Variants in FAT1 observed in about 807,000 individuals in gnomAD.
The protein encoded by FAT1 is FAT atypical cadherin 1.
A neutral mutation model predicts 329.8 loss-of-function variants in FAT1; 171 were observed. The observed-to-expected ratio is 0.52, with a 90% CI of 0.46 to 0.59. FAT1 has a LOEUF of 0.59. FAT1 is among the 20% of genes least tolerant of loss of function. FAT1 has a pLI of 0.00. For synonymous variants in FAT1, 2,233 were observed against 2,228.6 expected (o/e 1.00, Z -0.06); for missense variants, 5,672 against 5,774.4 (o/e 0.98, Z 0.57).
intron 3 of FAT1, among the ~76,000 whole-genome samples, chr4:186,650,527 G>A (rs975719943): frequency 1.2e-4 from 18 of 152,008 alleles, no homozygotes; most frequent in Non-Finnish European, 2.5e-4. Context: ...CAGCAACATG[G>A]GCCTCAGGGT....
chr4:186,714,628 G>A (rs1745122431), intron 1 of FAT1, among the ~76,000 whole-genome samples: 1 of 152,164 alleles, frequency 6.6e-6, no homozygotes, highest in African/African-American at 2.4e-5. Flanking sequence ...CCCAAGATTT[G>A]AAGGGTCCAA....
At chr4:186,675,506 T>C (rs28532777) in intron 2 of FAT1, among the ~76,000 whole-genome samples, 1 of 152,038 alleles carries the variant, frequency 6.6e-6, no homozygotes, top group East Asian at 1.9e-4. Context: ...ATGCCTGTAA[T>C]TTCTCCACTT....
rs371538987 is a variant in FAT1 at position 186,620,476 on chromosome 4, G to A, written c.6110C>T (p.Thr2037Met). The A allele has an allele frequency of 5.3e-5, 85 of 1,614,002 alleles. No homozygotes were observed. Among genetic ancestry groups the A allele is most frequent in the South Asian group, 8.8e-5 (8 of 91,076 alleles). The change falls in exon 10 of 27, where the codon ACG becomes ATG. Residue 2037 changes from threonine to methionine, a missense_variant. Physicochemically the swap from Thr to Met is moderately conservative, Grantham distance 81. Transcript: ENST00000441802. Reference sequence around the variant, plus strand: ...CTCCTGCTGCTCACGATCGAAGGGCGTGCCAGTGGTTGACAGAACTCCTGA... The same window carrying A: ...CTCCTGCTGCTCACGATCGAAGGGCATGCCAGTGGTTGACAGAACTCCTGA... ...RTSGVLSTTG[T>M]PFDREQQEAF...
intron 3 of FAT1, among the ~76,000 whole-genome samples, chr4:186,657,896 G>T (rs892899162): frequency 2.6e-5 from 4 of 152,204 alleles, no homozygotes; most frequent in African/African-American, 9.6e-5. Flanking sequence ...TCCCGAGGTT[G>T]TTCGTGAATA....
chr4:186,669,951 G>GA (rs151088401), intron 2 of FAT1, among the ~76,000 whole-genome samples: 3,116 of 152,272 alleles, frequency 0.02, 107 homozygotes, highest in African/African-American at 0.072. Flanking sequence ...CCTTGATCAG[G>GA]AAAGGCCAGC....
Position 186,618,111 on chromosome 4 carries a change from TCCC to T in FAT1, c.8472_8474del (p.Gly2825del). 4.3e-6 allele frequency: 7 copies of T among 1,613,986 alleles called. No homozygotes were observed. Among genetic ancestry groups the T allele is most frequent in the Non-Finnish European group, 5.9e-6 (7 of 1,179,880 alleles). On this transcript the variant is annotated inframe_deletion, in exon 10 of 27. Transcript: ENST00000441802. ...ATGCCCTGATCTGAATTACTCTACT[TCCC>T]CCTGGCAGGTTTTCAACAATGAATG... is the stretch of plus-strand genomic sequence containing the variant.
intron 7 of FAT1, among the ~76,000 whole-genome samples, 184 bp downstream of exon 7, chr4:186,633,500 C>T (rs1457407167): frequency 6.6e-6 from 1 of 152,100 alleles, no homozygotes; most frequent in Admixed American, 6.6e-5. Flanking sequence ...ATATGCAAAA[C>T]CCAAATTGGG....
At chr4:186,672,283 A>G (rs772608900) in intron 2 of FAT1, among the ~76,000 whole-genome samples, 5 of 152,356 alleles carry the variant, frequency 3.3e-5, no homozygotes, top group Non-Finnish European at 5.9e-5. Flanking sequence ...GAAAGTCAAA[A>G]TAAGTAAAAG....
intron 3 of FAT1, among the ~76,000 whole-genome samples, chr4:186,659,532 G>GT (rs1742065953): frequency 6.6e-6 from 1 of 152,174 alleles, no homozygotes; most frequent in Non-Finnish European, 1.5e-5. Flanking sequence ...CAGAGCAACC[G>GT]TAACACCCGC....
intron 2 of FAT1, among the ~76,000 whole-genome samples, chr4:186,681,602 G>A (rs1258031174): frequency 1.3e-5 from 2 of 152,194 alleles, no homozygotes; most frequent in Admixed American, 6.5e-5. Context: ...ACACACATAC[G>A]TGCAGCACAG....
At chr4:186,611,328 G>C (rs1037254625) in intron 14 of FAT1, 58 bp downstream of exon 14, 2 of 1,503,852 alleles carry the variant, frequency 1.3e-6, no homozygotes, top group Admixed American at 4.1e-5. Context: ...ACGTGGTTAA[G>C]CAAATCTAGT....
At position 186,709,641 on chromosome 4, in the gene FAT1, T is replaced by A. The variant is rs1579492747; in HGVS notation, c.187A>T (p.Ile63Phe). 1 of 1,614,018 alleles carries A rather than the reference T, an allele frequency of 6.2e-7. No individual in the cohort carries two copies. The highest frequency in any genetic ancestry group is 8.5e-7 in the Non-Finnish European group (1 of 1,179,900). Residue 63 changes from isoleucine to phenylalanine, a missense_variant, in exon 2 of 27, where the codon ATT becomes TTT. By Grantham distance (21) the Ile-to-Phe change is conservative. Coordinates refer to ENST00000441802, the MANE Select transcript of FAT1 (RefSeq NM_005245.4). ...VGHPVKMGVY[I>F]THPAWEVRYK... is the part of the protein sequence containing the mutation. ...CTTACTTCCCACGCTGGATGTGTAA[T>A]GTAAACACCCATCTTGACAGGATGC...
chr4:186,593,126 C>T (rs145360582), intron 26 of FAT1, among the ~76,000 whole-genome samples: 21 of 152,222 alleles, frequency 1.4e-4, no homozygotes, highest in Admixed American at 1.0e-3. Context: ...GTCTGTGGTT[C>T]GCCACTCTTC....
At chr4:186,639,359 TAGTA>T (rs1463855845) in intron 4 of FAT1, among the ~76,000 whole-genome samples, 10 of 152,024 alleles carry the variant, frequency 6.6e-5, no homozygotes, top group African/African-American at 1.9e-4. Context: ...AAAAACATAA[TAGTA>T]AGGGGAAAAA....
At chr4:186,636,548 A>G (rs2126562265) in intron 5 of FAT1, 37 bp downstream of exon 5, 1 of 1,529,684 alleles carries the variant, frequency 6.5e-7, no homozygotes, top group Non-Finnish European at 8.8e-7. Flanking sequence ...TATAGTCACA[A>G]CATATGAAAA....
At chr4:186,711,585 G>T (rs563160430) in intron 1 of FAT1, among the ~76,000 whole-genome samples, 10 of 152,146 alleles carry the variant, frequency 6.6e-5, no homozygotes, top group African/African-American at 2.4e-4. Flanking sequence ...AAAAGACAAA[G>T]ATCCCAATCC....
chr4:186,615,141 T>A (rs1399305026), intron 11 of FAT1, among the ~76,000 whole-genome samples: 1 of 151,988 alleles, frequency 6.6e-6, no homozygotes, highest in African/African-American at 2.4e-5. Flanking sequence ...AGTGTCCCAG[T>A]CTTATTCCTG....
intron 1 of FAT1, among the ~76,000 whole-genome samples, chr4:186,717,340 T>C (rs926911383): frequency 3.3e-5 from 5 of 152,348 alleles, no homozygotes; most frequent in East Asian, 1.9e-4. Context: ...ACCCTAGAAA[T>C]TGAGCAGCAG....
Position 186,707,620 on chromosome 4 carries a change from T to TA in FAT1, c.2207dup (p.Ile737AsnfsTer7). ...CAAGGTCAGTGGAGTTCATGAAAATTACACTGGAACCCACAGGCTGGTTTT... is the reference window on the plus strand; with the variant it reads ...CAAGGTCAGTGGAGTTCATGAAAATTAACACTGGAACCCACAGGCTGGTTTT... On this transcript the variant is annotated frameshift_variant, in exon 2 of 27. Coordinates refer to ENST00000441802, the MANE Select transcript of FAT1 (RefSeq NM_005245.4). LOFTEE classifies it high-confidence loss of function. 6.2e-7 allele frequency: 1 copy of TA among 1,614,004 alleles called. No homozygotes were observed. Among genetic ancestry groups the TA allele is most frequent in the South Asian group, 1.1e-5 (1 of 91,076 alleles).
Sources: gnomAD v4.1 joint callset for allele counts (sites outside exome capture counted in the v4.1 genomes callset) on GRCh38, gnomAD v4.1.1 for gene constraint, MANE v1.5 for transcripts, NCBI Gene and HGNC (gene_info 2026-07-23, HGNC 2026-07-21) for gene names.